Variants in ADGRL4 observed in about 807,000 individuals in gnomAD.
ADGRL4 encodes adhesion G protein-coupled receptor L4.
A neutral mutation model predicts 74.8 loss-of-function variants in ADGRL4; 90 were observed. The ratio of observed to expected loss-of-function variants is 1.20; its 90% CI spans 1.02 to 1.43. The LOEUF is 1.43. Ranked by LOEUF, ADGRL4 falls within the 40% of genes most tolerant of loss-of-function variation. ADGRL4 has a pLI of 0.00. For synonymous variants in ADGRL4, 311 were observed against 279.2 expected, an observed-to-expected ratio of 1.11 and a Z score of -1.14; for missense variants, 881 against 814.3, an observed-to-expected ratio of 1.08 and a Z score of -1.00.
In ADGRL4 at chr1:78,995,688, G is replaced by A. The variant is rs576335756; in HGVS notation, c.172+9382C>T. ...TTAGTTGAACTGGAAAATGACTACA[G>A]TTCAAATACATGTATTACAATAGTA... On this transcript the variant is annotated intron_variant, in intron 2 of 14. Transcript: ENST00000370742. Among the ~76,000 whole-genome samples, 5 of 152,308 alleles carry A rather than the reference G, an allele frequency of 3.3e-5. No homozygotes were observed. The South Asian group carries it at 8.3e-4, about 25-fold the overall frequency.
rs776036227 is a variant in ADGRL4, at chr1:78,921,801, C to G, written c.1084-15G>C. ...CTATCTGTGACCTGAAAAAAAGATA[C>G]TTTACTGATGAAAAAAGAGAAAAAG... On this transcript the variant is annotated splice_polypyrimidine_tract_variant and intron_variant, in intron 8 of 14. Transcript: ENST00000370742. 2.1e-6 allele frequency: 3 copies of G among 1,422,192 alleles called. No individual in the cohort carries two copies. The highest frequency in any genetic ancestry group is 2.8e-6 in the Non-Finnish European group (3 of 1,073,700). 88.1% of individuals were successfully genotyped at this position (1,422,192 alleles called of 1,614,324 possible). A position where few individuals can be genotyped will look rare whatever the true frequency, so the allele number is the denominator to read the frequency against.
rs1648274826 is a variant in ADGRL4, at chr1:78,891,604, C to T, written c.1930G>A (p.Val644Ile). 4 of 1,613,348 alleles carry T rather than the reference C, an allele frequency of 2.5e-6. No homozygotes were observed. The highest frequency in any genetic ancestry group is 1.7e-6 in the Non-Finnish European group (2 of 1,179,698). The change falls in exon 14 of 15, where the codon GTT (valine) becomes ATT (isoleucine). Residue 644 changes from valine to isoleucine, a missense_variant. Val to Ile is a conservative substitution (Grantham distance 29). Transcript: ENST00000370742. Reference protein sequence around the residue: ...GVLHVVHASVVTAYLFTVSNA... With the variant: ...GVLHVVHASVITAYLFTVSNA... ...CTGACTGTGAAGAGGTAAGCTGTAA[C>T]CACTGATGCGTGCACAACATGGAGA...
intron 10 of ADGRL4, among the ~76,000 whole-genome samples, chr1:78,918,921 A>G (rs895357698): frequency 2.0e-4 from 30 of 151,978 alleles, no homozygotes; most frequent in Non-Finnish European, 2.9e-5. Flanking sequence ...GAAAAATGGG[A>G]CAAATTTAAT....
intron 12 of ADGRL4, among the ~76,000 whole-genome samples, chr1:78,913,748 C>T (rs183338224): frequency 1.3e-5 from 2 of 151,878 alleles, no homozygotes; most frequent in Non-Finnish European, 2.9e-5. Context: ...ATGTAAAAAA[C>T]CTGCACATGT....
chr1:78,918,294 G>A (rs891337388), intron 10 of ADGRL4, among the ~76,000 whole-genome samples: 8 of 151,838 alleles, frequency 5.3e-5, no homozygotes, highest in African/African-American at 1.9e-4. Context: ...TTTGTCCAGA[G>A]GTTTGTAACT....
At chr1:78,987,563 G>A (rs17102586) in intron 2 of ADGRL4, among the ~76,000 whole-genome samples, 7,778 of 151,700 alleles carry the variant, frequency 0.051, 274 homozygotes, top group African/African-American at 0.098. Context: ...AAAAATTTTA[G>A]GACAATGTCT....
chr1:78,948,550 A>G (rs1396594833), intron 2 of ADGRL4, among the ~76,000 whole-genome samples: 1 of 152,146 alleles, frequency 6.6e-6, no homozygotes, highest in African/African-American at 2.4e-5. Context: ...GAAATATGAC[A>G]ATAAAGTAAG....
intron 2 of ADGRL4, among the ~76,000 whole-genome samples, chr1:78,960,260 T>A (rs1274717845): frequency 6.6e-6 from 1 of 152,204 alleles, no homozygotes; most frequent in Non-Finnish European, 1.5e-5. Context: ...TTGCAAAAAC[T>A]AGTCCGATTT....
chr1:78,915,874 TTATC>T (rs1421753845), intron 12 of ADGRL4, among the ~76,000 whole-genome samples: 3 of 151,876 alleles, frequency 2.0e-5, no homozygotes, highest in Non-Finnish European at 4.4e-5. Flanking sequence ...GATTCAATAA[TTATC>T]TAAGAATTTC....
intron 7 of ADGRL4, among the ~76,000 whole-genome samples, chr1:78,934,043 T>C (rs1366139730): frequency 6.6e-6 from 1 of 152,002 alleles, no homozygotes; most frequent in Non-Finnish European, 1.5e-5. Flanking sequence ...CAAACTACCA[T>C]TGACTATTTC....
In ADGRL4 at chr1:78,927,092, C is replaced by T; in HGVS notation, c.878-1G>A. The T allele has an allele frequency of 1.9e-6, 3 of 1,550,944 alleles. No homozygotes were observed. Among genetic ancestry groups the T allele is most frequent in the Non-Finnish European group, 2.7e-6 (3 of 1,126,474 alleles). The stretch of plus-strand genomic sequence containing the variant: ...TATACAAATGCAACTGCAACATTGC[C>T]TATCAATCAAATAAGTATATTTAGT... On this transcript the variant is annotated splice_acceptor_variant, in intron 7 of 14. Coordinates refer to ENST00000370742, the MANE Select transcript of ADGRL4 (RefSeq NM_022159.4). LOFTEE classifies it high-confidence loss of function.
chr1:78,927,039 T>C lies in ADGRL4; in HGVS notation c.930A>G (p.Ser310=). The change falls in exon 8 of 15, where the codon TCA becomes TCG. Residue 310 remains serine (S), a synonymous_variant. Coordinates refer to ENST00000370742, the MANE Select transcript of ADGRL4 (RefSeq NM_022159.4). ...VYYKSIGPLL[S]SSDNFLLKPQ... ...GTTTCAATAAGAAGTTGTCAGATGA[T>C]GAAAGCAAAGGACCAATACTCTTAT... 1 of 1,609,244 alleles carries C rather than the reference T, an allele frequency of 6.2e-7. No homozygotes were observed. Among genetic ancestry groups the C allele is most frequent in the Non-Finnish European group, 8.5e-7 (1 of 1,176,530 alleles).
intron 12 of ADGRL4, among the ~76,000 whole-genome samples, chr1:78,899,864 A>C (rs1648481962): frequency 6.6e-6 from 1 of 152,026 alleles, no homozygotes; most frequent in African/African-American, 2.4e-5. Flanking sequence ...TGTAAAGCAG[A>C]ATAATGGCTC....
At position 78,973,155 on chromosome 1, in the gene ADGRL4, T is replaced by G. The variant is rs1570264891; in HGVS notation, c.173-26729A>C. Among the ~76,000 whole-genome samples the G allele has an allele frequency of 2.0e-5, 3 of 152,308 alleles. No homozygotes were observed. In the South Asian group the frequency reaches 6.2e-4, roughly 32 times the overall value. On this transcript the variant is annotated intron_variant, in intron 2 of 14. Coordinates refer to ENST00000370742, the MANE Select transcript of ADGRL4 (RefSeq NM_022159.4). ...GCATTTTTAAAAATAGATTCTTAAT[T>G]TGGTTCATATTTTAGAATTAAACCA... is the stretch of plus-strand genomic sequence containing the variant.
At chr1:78,922,014 A>T (rs754180526) in intron 8 of ADGRL4, among the ~76,000 whole-genome samples, 1 of 152,008 alleles carries the variant, frequency 6.6e-6, no homozygotes, top group Non-Finnish European at 1.5e-5. Flanking sequence ...CATTACAGTA[A>T]ATTACTCATG....
At chr1:78,923,627 A>G (rs1403562487) in intron 8 of ADGRL4, among the ~76,000 whole-genome samples, 6 of 152,054 alleles carry the variant, frequency 3.9e-5, no homozygotes, top group African/African-American at 1.4e-4. Flanking sequence ...TGCAGGAAGC[A>G]GAAAATAGCT....
intron 12 of ADGRL4, among the ~76,000 whole-genome samples, chr1:78,908,345 C>G (rs955491982): frequency 6.6e-6 from 1 of 151,988 alleles, no homozygotes; most frequent in Non-Finnish European, 1.5e-5. Flanking sequence ...AAGGTTTTGT[C>G]TGTTAGCTAC....
At position 78,917,653 on chromosome 1, in the gene ADGRL4, G is replaced by A. The variant is rs1278069488; in HGVS notation, c.1730C>T (p.Pro577Leu). ...ENNFIWSFIGPACLIILVNLL... is the reference protein window; with the variant it reads ...ENNFIWSFIGLACLIILVNLL... The stretch of plus-strand genomic sequence containing the variant: ...ACATACAAGAATGATTAGGCATGCT[G>A]GTCCTATAAAACTCCAAATAAAGTT... The change falls in exon 12 of 15, where the codon CCA (proline) becomes CTA (leucine). Residue 577 changes from proline (P) to leucine (L), a missense_variant. Transcript: ENST00000370742. The A allele has an allele frequency of 1.9e-5, 31 of 1,603,354 alleles. No individual in the cohort carries two copies. Among genetic ancestry groups the A allele is most frequent in the Non-Finnish European group, 2.3e-5 (27 of 1,174,346 alleles).
intron 12 of ADGRL4, among the ~76,000 whole-genome samples, chr1:78,916,452 TG>T (rs928497023): frequency 2.6e-5 from 4 of 151,898 alleles, no homozygotes; most frequent in African/African-American, 9.7e-5. Context: ...TATTCTTATG[TG>T]GGTTGGAAAT....
Sources: allele counts gnomAD v4.1 joint callset (sites outside exome capture counted in the v4.1 genomes callset), GRCh38; gene constraint gnomAD v4.1.1; transcripts MANE v1.5; gene names NCBI Gene and HGNC (gene_info 2026-07-23, HGNC 2026-07-21).